The following MCFD2 variants were observed in gnomAD, a reference collection of about 807,000 sequenced individuals.
MCFD2 encodes multiple coagulation factor deficiency 2, ER cargo receptor complex subunit, also known as multiple coagulation factor deficiency protein 2.
Under a neutral mutation model 12.8 loss-of-function variants are expected in MCFD2, and 11 were observed. The ratio of observed to expected loss-of-function variants is 0.86; its 90% CI spans 0.54 to 1.42. The LOEUF is 1.42. Among genes scored for constraint, MCFD2 ranks in the 40% most tolerant of loss-of-function variants. The pLI is 0.00. For missense variants in MCFD2, 191 were observed against 178.6 expected (o/e 1.07, Z -0.40); for synonymous variants, 70 against 68.1 (o/e 1.03, Z -0.14).
Position 46,941,807 on chromosome 2 carries a change from C to G in MCFD2, c.-243G>C, listed in dbSNP as rs1670425320. ...CTCCAGGAAGCGCGCCCAGACAGTCCTCGGCCGACAGCGGGCGCCTGCCAG... is the reference window on the plus strand; with the variant it reads ...CTCCAGGAAGCGCGCCCAGACAGTCGTCGGCCGACAGCGGGCGCCTGCCAG... On this transcript the variant is annotated 5_prime_UTR_variant, in exon 1 of 3. Transcript: ENST00000409147. The surrounding 1 kb of genome is among the most constrained non-coding windows in gnomAD (Gnocchi z 4.2). 3 of 1,516,070 alleles carry G rather than the reference C, an allele frequency of 2.0e-6. No individual in the cohort carries two copies. Among genetic ancestry groups the G allele is most frequent in the East Asian group, 2.5e-5 (1 of 40,372 alleles). The allele number at this position is 1,516,070 out of a possible 1,614,324, so 93.9% of individuals were successfully genotyped here.
intron 1 of MCFD2, among the ~76,000 whole-genome samples, chr2:46,910,241 G>A (rs1356314873): frequency 4.6e-5 from 7 of 152,196 alleles, no homozygotes; most frequent in African/African-American, 1.4e-4. Flanking sequence ...TACCCGCCAA[G>A]GGTCAGGCAG....
upstream of MCFD2, among the ~76,000 whole-genome samples, chr2:46,919,003 A>C (rs1360826512): frequency 6.6e-6 from 1 of 152,230 alleles, no homozygotes; most frequent in Non-Finnish European, 1.5e-5. Context: ...TGGCTTTATC[A>C]GGAGATAGGA....
intron 1 of MCFD2, among the ~76,000 whole-genome samples, chr2:46,933,132 T>G: frequency 6.6e-6 from 1 of 152,172 alleles, no homozygotes; most frequent in East Asian, 1.9e-4. Context: ...GGAGAAATCA[T>G]GGGCTCCTGC....
chr2:46,930,617 A>C (rs1045481842), intron 1 of MCFD2, among the ~76,000 whole-genome samples: 22 of 151,272 alleles, frequency 1.5e-4, no homozygotes, highest in African/African-American at 5.1e-4. Context: ...CTCCTGCCTC[A>C]GCCTCCCAAG....
Position 46,941,764 on chromosome 2 carries a change from C to G in MCFD2, c.-200G>C. ...GAGGCTGGCTCGCCGGCAGCGAGCG[C>G]GCGAAACGCACCGCCTCCTCCAGGA... On this transcript the variant is annotated 5_prime_UTR_variant, in exon 1 of 3. Coordinates refer to the MCFD2 transcript ENST00000409147. This position sits in a 1 kb window ranked among gnomAD's most constrained non-coding sequence, Gnocchi z 4.2. 1.9e-6 allele frequency: 3 copies of G among 1,546,504 alleles called. No homozygotes were observed. The highest frequency in any genetic ancestry group is 2.6e-6 in the Non-Finnish European group (3 of 1,145,394).
chr2:46,920,632 T>TA (rs1441222007), upstream of MCFD2, among the ~76,000 whole-genome samples: 1 of 149,490 alleles, frequency 6.7e-6, no homozygotes, highest in Non-Finnish European at 1.5e-5. Flanking sequence ...TGCCTGGCCT[T>TA]AGTCTTAGGC....
chr2:46,940,771 C>T lies in MCFD2; in HGVS notation c.-8+801G>A, dbSNP rs2103878736. ...CGGGCCTGGGTCCTCGCGAGCATGCCTGGCCCGCATCGCAACAGGGCGGGG... is the reference window on the plus strand; with the variant it reads ...CGGGCCTGGGTCCTCGCGAGCATGCTTGGCCCGCATCGCAACAGGGCGGGG... On this transcript the variant is annotated intron_variant, in intron 1 of 2. Coordinates refer to the MCFD2 transcript ENST00000409147. The surrounding 1 kb of genome is among the most constrained non-coding windows in gnomAD (Gnocchi z 4.7). 6.6e-6 allele frequency among the ~76,000 whole-genome samples: 1 copy of T among 152,344 alleles called. No homozygotes were observed. Among genetic ancestry groups the T allele is most frequent in the Non-Finnish European group, 1.5e-5 (1 of 68,032 alleles).
At chr2:46,909,348 G>C (rs1668387321) in intron 1 of MCFD2, among the ~76,000 whole-genome samples, 171 bp from the exon 2 acceptor site, 1 of 152,138 alleles carries the variant, frequency 6.6e-6, no homozygotes, top group Non-Finnish European at 1.5e-5. Flanking sequence ...GATGACCCTG[G>C]GCACTCCAAG....
At chr2:46,921,909 C>G (rs116125520) in intron 1 of MCFD2, among the ~76,000 whole-genome samples, 5 of 152,212 alleles carry the variant, frequency 3.3e-5, no homozygotes, top group Non-Finnish European at 2.9e-5. Flanking sequence ...TGGTAATGCT[C>G]ACTCGCCCAC....
Position 46,903,026 on chromosome 2 carries a change from C to G in MCFD2, c.*2437G>C, listed in dbSNP as rs1572602195. ...GCTGATATGGTTTGGTTGTGTCCCC[C>G]CACAAATCTCAACTTGAATTGTATC... On this transcript the variant is annotated 3_prime_UTR_variant, in exon 4 of 4. Coordinates refer to ENST00000319466, the MANE Select transcript of MCFD2 (RefSeq NM_139279.6). 1 of 152,182 alleles carries G rather than the reference C, an allele frequency of 6.6e-6. No individual in the cohort carries two copies. The highest frequency in any genetic ancestry group is 1.9e-4 in the East Asian group (1 of 5,192). The allele number at this position is 152,182 out of a possible 1,614,324, so 9.4% of individuals were successfully genotyped here.
At position 46,940,500 on chromosome 2, in the gene MCFD2, C is replaced by T. The variant is rs941780753; in HGVS notation, c.-8+1072G>A. Among the ~76,000 whole-genome samples, 3 of 152,146 alleles carry T rather than the reference C, an allele frequency of 2.0e-5. No individual in the cohort carries two copies. The highest frequency in any genetic ancestry group is 7.2e-5 in the African/African-American group (3 of 41,426). ...TGTGAACTTCTGGGCACCCCACAGC[C>T]CTGGGCTAAACCCTGCTAAGCACTC... On this transcript the variant is annotated intron_variant, in intron 1 of 2. Transcript: ENST00000409147. This position sits in a 1 kb window ranked among gnomAD's most constrained non-coding sequence, Gnocchi z 4.7.
At position 46,940,095 on chromosome 2, in the gene MCFD2, C is replaced by T. The variant is rs1424812033; in HGVS notation, c.-8+1477G>A. ...AGGAAGACTGTCTTCAACTAATCAC[C>T]CTGTGTGGCTTCATGTGAAAGGCCA... On this transcript the variant is annotated intron_variant, in intron 1 of 2. Transcript: ENST00000409147. The surrounding 1 kb of genome is among the most constrained non-coding windows in gnomAD (Gnocchi z 4.7). Among the ~76,000 whole-genome samples the T allele has an allele frequency of 6.6e-6, 1 of 152,056 alleles. No homozygotes were observed. Among genetic ancestry groups the T allele is most frequent in the Non-Finnish European group, 1.5e-5 (1 of 68,018 alleles).
At chr2:46,926,832 G>C (rs1402571574) in intron 1 of MCFD2, among the ~76,000 whole-genome samples, 1 of 152,216 alleles carries the variant, frequency 6.6e-6, no homozygotes, top group Non-Finnish European at 1.5e-5. Context: ...TTCTCAGACA[G>C]AGGTTGTTAA....
chr2:46,914,614 CA>C (rs1668624802), intron 1 of MCFD2, among the ~76,000 whole-genome samples: 1 of 152,198 alleles, frequency 6.6e-6, no homozygotes, highest in African/African-American at 2.4e-5. Context: ...ACTAACAGCA[CA>C]AGGTACTGAA....
At position 46,908,210 on chromosome 2, in the gene MCFD2, A is replaced by G. The variant is rs748775256; in HGVS notation, c.150-241T>C. The G allele has an allele frequency of 1.8e-6, 1 of 556,640 alleles. No individual in the cohort carries two copies. The highest frequency in any genetic ancestry group is 3.2e-6 in the Non-Finnish European group (1 of 312,008). The allele number at this position is 556,640 out of a possible 1,614,324, so 34.5% of individuals were successfully genotyped here. ...AGGGTATTCTTTCCTCTTTATTATT[A>G]GAATTTTGTTATAACATTTTCAGGC... On this transcript the variant is annotated intron_variant, in intron 2 of 3. Transcript: ENST00000319466. This position sits in a 1 kb window ranked among gnomAD's most constrained non-coding sequence, Gnocchi z 4.5.
chr2:46,941,813 C>A lies in MCFD2; in HGVS notation c.-249G>T. The stretch of plus-strand genomic sequence containing the variant: ...GAAGCGCGCCCAGACAGTCCTCGGC[C>A]GACAGCGGGCGCCTGCCAGCCCACC... On this transcript the variant is annotated 5_prime_UTR_variant, in exon 1 of 3. Transcript: ENST00000409147. This position sits in a 1 kb window ranked among gnomAD's most constrained non-coding sequence, Gnocchi z 4.2. 1.3e-6 allele frequency: 2 copies of A among 1,495,618 alleles called. No individual in the cohort carries two copies. Among genetic ancestry groups the A allele is most frequent in the Non-Finnish European group, 1.8e-6 (2 of 1,107,672 alleles). The allele number at this position is 1,495,618 out of a possible 1,614,324, so 92.6% of individuals were successfully genotyped here.
intron 1 of MCFD2, among the ~76,000 whole-genome samples, chr2:46,911,062 G>A (rs1291285031): frequency 6.6e-6 from 1 of 152,124 alleles, no homozygotes; most frequent in African/African-American, 2.4e-5. Context: ...GTGCTAAAAA[G>A]CACCTAGAAT....
intron 1 of MCFD2, among the ~76,000 whole-genome samples, chr2:46,934,787 C>CTTTTTTTTTTTTTTTTTTTT (rs1161003607): frequency 1.5e-5 from 1 of 66,888 alleles, no homozygotes; most frequent in Non-Finnish European, 2.7e-5. Flanking sequence ...GACTACTGCT[C>CTTTTTTTTTTTTTTTTTTTT]TTTTTTTTTT....
intron 1 of MCFD2, chr2:46,914,066 T>C (rs1375011844): frequency 6.6e-6 from 1 of 152,390 alleles, no homozygotes; most frequent in African/African-American, 2.4e-5. Flanking sequence ...GGCTCTCATT[T>C]ACCTTACTGA....
Sources: gnomAD v4.1 joint callset for allele counts (sites outside exome capture counted in the v4.1 genomes callset) on GRCh38, gnomAD v4.1.1 for gene constraint, Gnocchi (gnomAD v3.1) non-coding constraint, MANE v1.5 for transcripts, NCBI Gene and HGNC (gene_info 2026-07-23, HGNC 2026-07-21) for gene names.